The following ESR2 variants were observed in gnomAD, a reference collection of about 807,000 sequenced individuals.
ESR2 encodes the protein estrogen receptor 2.
In ESR2, 36 loss-of-function variants were observed where a neutral mutation model predicts 49.6. The ratio of observed to expected loss-of-function variants is 0.73; its 90% CI spans 0.56 to 0.96. The LOEUF is 0.96. Ranked by LOEUF, ESR2 falls within the 40% of genes least tolerant of loss-of-function variation. ESR2 has a pLI of 0.00. For missense variants in ESR2, 714 were observed against 693.0 expected, an observed-to-expected ratio of 1.03 and a Z score of -0.34; for synonymous variants, 320 against 266.1, an observed-to-expected ratio of 1.20 and a Z score of -1.97.
intron 1 of ESR2, among the ~76,000 whole-genome samples, chr14:64,335,024 G>A (rs1055144502): frequency 6.6e-6 from 1 of 152,144 alleles, no homozygotes; most frequent in Non-Finnish European, 1.5e-5. Flanking sequence ...AATAAATAAT[G>A]GTTTTTCCTA....
At chr14:64,290,980 G>C (rs980844564) in intron 1 of ESR2, among the ~76,000 whole-genome samples, 2 of 152,202 alleles carry the variant, frequency 1.3e-5, no homozygotes, top group African/African-American at 4.8e-5. Context: ...GGGTGGGAGA[G>C]AGTTCATCAG....
At chr14:64,227,826 T>C (rs939257330), downstream of ESR2, 3 of 1,580,976 alleles carry the variant, frequency 1.9e-6, no homozygotes, top group Admixed American at 1.8e-5. Context: ...TAGTCTGGGT[T>C]TTATATCGTC....
chr14:64,253,900 C>A (rs2076044891), intron 6 of ESR2, among the ~76,000 whole-genome samples: 1 of 152,064 alleles, frequency 6.6e-6, no homozygotes. Context: ...AGTCAGTTGC[C>A]TGTTGATACT....
intron 6 of ESR2, 112 bp from the exon 7 acceptor site, chr14:64,249,791 T>C (rs2075953631): frequency 1.8e-6 from 2 of 1,086,842 alleles, no homozygotes; most frequent in Non-Finnish European, 2.7e-6. Context: ...CATGTTCATC[T>C]GATAATATCA....
upstream of ESR2, among the ~76,000 whole-genome samples, chr14:64,298,687 C>G (rs962877586): frequency 3.3e-5 from 5 of 152,150 alleles, no homozygotes; most frequent in African/African-American, 1.2e-4. Flanking sequence ...AAATGAACCA[C>G]CTGAGCAAGC....
intron 5 of ESR2, among the ~76,000 whole-genome samples, chr14:64,257,969 C>A (rs1415469988): frequency 6.6e-6 from 1 of 152,172 alleles, no homozygotes. Flanking sequence ...GTAATCCCAG[C>A]ACTTTGGGAG....
intron 4 of ESR2, among the ~76,000 whole-genome samples, chr14:64,261,314 T>C (rs2076220580): frequency 7.1e-6 from 1 of 140,982 alleles, no homozygotes; most frequent in Non-Finnish European, 1.5e-5. Flanking sequence ...CTCGGCTCAC[T>C]GCAAGCTCCG....
chr14:64,331,319 C>T (rs1567807779), intron 1 of ESR2, among the ~76,000 whole-genome samples: 1 of 152,112 alleles, frequency 6.6e-6, no homozygotes, highest in Admixed American at 6.6e-5. Flanking sequence ...GATAAAAATC[C>T]TCAATTTGTA....
upstream of ESR2, among the ~76,000 whole-genome samples, chr14:64,295,115 C>G (rs1031771420): frequency 5.9e-5 from 9 of 152,352 alleles, no homozygotes; most frequent in African/African-American, 2.2e-4. Context: ...GAGACTAGGA[C>G]CACAGTCTTA....
intron 1 of ESR2, among the ~76,000 whole-genome samples, chr14:64,315,621 C>G (rs534082537): frequency 1.3e-5 from 2 of 150,564 alleles, no homozygotes; most frequent in East Asian, 3.9e-4. Context: ...ACTACAGGCA[C>G]GCACCACCAC....
chr14:64,269,975 T>C (rs2076405838), intron 3 of ESR2, among the ~76,000 whole-genome samples: 4 of 152,036 alleles, frequency 2.6e-5, no homozygotes, highest in African/African-American at 9.7e-5. Flanking sequence ...GGGGTGTTGG[T>C]AGGGAGGATG....
chr14:64,244,776 C>T lies in ESR2; in HGVS notation c.1225+4770G>A, dbSNP rs115973686. Among the ~76,000 whole-genome samples, 274 of 152,318 alleles carry T rather than the reference C, an allele frequency of 1.8e-3. 1 individual carries two copies. The highest frequency in any genetic ancestry group is 6.3e-3 in the African/African-American group (262 of 41,566). ...TGACTTCTCAGCCTTCATAATTGTTCAAGTCAGTTTTCATAATAAATCCCC... is the reference window on the plus strand; with the variant it reads ...TGACTTCTCAGCCTTCATAATTGTTTAAGTCAGTTTTCATAATAAATCCCC... On this transcript the variant is annotated intron_variant, in intron 7 of 8. Transcript: ENST00000341099.
At chr14:64,282,216 G>A (rs1391872879) in intron 2 of ESR2, among the ~76,000 whole-genome samples, 7 of 152,110 alleles carry the variant, frequency 4.6e-5, no homozygotes, top group African/African-American at 1.2e-4. Flanking sequence ...GTGGTGGCAC[G>A]CGCCTGTAAT....
At chr14:64,260,990 T>C (rs976012740) in intron 4 of ESR2, among the ~76,000 whole-genome samples, 2 of 151,968 alleles carry the variant, frequency 1.3e-5, no homozygotes, top group East Asian at 3.9e-4. Flanking sequence ...TTCCAAACCA[T>C]GAAATTAGGA....
At position 64,268,910 on chromosome 14, in the gene ESR2, T is replaced by G. The variant is rs752555445; in HGVS notation, c.537A>C (p.Gly179=). ...TAGCTGGACAAATATAATCATTATG[T>G]CCTATAGCAGAGTGGGAGGGAAAAA... ...CKAFFKRSIQ[G]HNDYICPATN... is the part of the protein sequence containing the mutation. Residue 179 remains glycine (G), a splice_region_variant and synonymous_variant, in exon 4 of 9, where the codon GGA becomes GGC. Coordinates refer to ENST00000341099, the MANE Select transcript of ESR2 (RefSeq NM_001437.3). 2 of 1,572,424 alleles carry G rather than the reference T, an allele frequency of 1.3e-6. No homozygotes were observed. Among genetic ancestry groups the G allele is most frequent in the South Asian group, 2.2e-5 (2 of 89,832 alleles).
chr14:64,289,141 T>C (rs930886763), intron 1 of ESR2, among the ~76,000 whole-genome samples: 2 of 152,140 alleles, frequency 1.3e-5, no homozygotes, highest in African/African-American at 4.8e-5. Flanking sequence ...TGCCACATCT[T>C]CTTCAGTAGA....
intron 1 of ESR2, among the ~76,000 whole-genome samples, chr14:64,335,561 G>A (rs746797694): frequency 6.6e-6 from 1 of 152,054 alleles, no homozygotes; most frequent in African/African-American, 2.4e-5. Context: ...TACTCCCATC[G>A]TGGGGGCCCC....
intron 4 of ESR2, among the ~76,000 whole-genome samples, chr14:64,267,883 C>CA (rs397691951): frequency 0.12 from 9,149 of 79,034 alleles, 747 homozygotes; most frequent in East Asian, 0.52. Flanking sequence ...GACTCCATCT[C>CA]AAAAAAAAAA....
At position 64,249,699 on chromosome 14, in the gene ESR2, A is replaced by C; in HGVS notation, c.1092-20T>G. The C allele has an allele frequency of 6.3e-7, 1 of 1,599,944 alleles. No homozygotes were observed. The highest frequency in any genetic ancestry group is 1.7e-4 in the Middle Eastern group (1 of 6,024). On this transcript the variant is annotated intron_variant, in intron 6 of 8. Transcript: ENST00000341099. ...TCATCCCTACAAAAGTTCGTTTGGA[A>C]ATTTAAGGAACATAGCTTCAGGAAA... is the stretch of plus-strand genomic sequence containing the variant.
Sources: gnomAD v4.1 joint callset for allele counts (sites outside exome capture counted in the v4.1 genomes callset) on GRCh38, gnomAD v4.1.1 for gene constraint, MANE v1.5 for transcripts, NCBI Gene and HGNC (gene_info 2026-07-23, HGNC 2026-07-21) for gene names.